GRIK4: variants seen among roughly 807,000 people sequenced by gnomAD.
GRIK4 encodes the protein glutamate receptor ionotropic, kainate 4.
In GRIK4, 40 loss-of-function variants were observed where a neutral mutation model predicts 104.9. The ratio of observed to expected loss-of-function variants is 0.38; its 90% CI spans 0.30 to 0.50. The LOEUF (loss-of-function observed/expected upper bound fraction) is 0.50, where lower values mean the gene tolerates loss of function less well. Among genes scored for constraint, GRIK4 ranks in the 20% least tolerant of loss-of-function variants. The pLI, the probability that GRIK4 is intolerant of heterozygous loss-of-function variation, is 0.93. For missense variants in GRIK4, 1,047 were observed against 1,308.1 expected, an observed-to-expected ratio of 0.80 and a Z score of 3.08; for synonymous variants, 485 against 524.9, an observed-to-expected ratio of 0.92 and a Z score of 1.04.
At chr11:120,597,965 C>A (rs1389000615) in intron 1 of GRIK4, among the ~76,000 whole-genome samples, 1 of 152,114 alleles carries the variant, frequency 6.6e-6, no homozygotes, top group Non-Finnish European at 1.5e-5. Context: ...TAGAGAGTTG[C>A]TGATGCGGTG....
At chr11:120,626,249 GC>G (rs1207075719) in intron 1 of GRIK4, among the ~76,000 whole-genome samples, 1 of 152,200 alleles carries the variant, frequency 6.6e-6, no homozygotes, top group Non-Finnish European at 1.5e-5. Flanking sequence ...AGTGGGCCCT[GC>G]CCCTTTCCTG....
intron 3 of GRIK4, among the ~76,000 whole-genome samples, chr11:120,759,021 AAG>A (rs1328812879): frequency 2.6e-5 from 4 of 152,144 alleles, no homozygotes; most frequent in South Asian, 2.1e-4. Flanking sequence ...TGTGTTACAA[AAG>A]AGAGAGTCAA....
chr11:120,666,611 T>G (rs1288025346), intron 3 of GRIK4, among the ~76,000 whole-genome samples: 1 of 152,240 alleles, frequency 6.6e-6, no homozygotes, highest in Non-Finnish European at 1.5e-5. Flanking sequence ...GGGCTATTGT[T>G]CCATATCTGA....
intron 3 of GRIK4, among the ~76,000 whole-genome samples, chr11:120,736,023 A>C (rs989935376): frequency 6.6e-6 from 1 of 152,138 alleles, no homozygotes; most frequent in East Asian, 1.9e-4. Flanking sequence ...TTGGTGCTCT[A>C]TCCTCCTGTG....
chr11:120,811,564 G>A (rs770626348), intron 4 of GRIK4, among the ~76,000 whole-genome samples: 2 of 152,066 alleles, frequency 1.3e-5, no homozygotes, highest in South Asian at 2.1e-4. Flanking sequence ...AGAGTGCTTC[G>A]AACGGGCCAT....
intron 3 of GRIK4, among the ~76,000 whole-genome samples, chr11:120,789,908 G>T (rs143324573): frequency 3.1e-4 from 47 of 152,108 alleles, no homozygotes; most frequent in Non-Finnish European, 5.7e-4. Context: ...CCTAAAACTT[G>T]CCCCACCACC....
chr11:120,629,784 G>A (rs1310392298), intron 1 of GRIK4, among the ~76,000 whole-genome samples: 2 of 152,214 alleles, frequency 1.3e-5, no homozygotes, highest in Non-Finnish European at 2.9e-5. Context: ...GGGCGGCTGG[G>A]GAGTTGGCCT....
intron 3 of GRIK4, among the ~76,000 whole-genome samples, chr11:120,699,411 C>G (rs1475937934): frequency 1.3e-5 from 2 of 152,166 alleles, no homozygotes; most frequent in Non-Finnish European, 2.9e-5. Context: ...TTAGTTCATT[C>G]TACAAATAAA....
At chr11:120,528,285 G>A (rs1175091085) in intron 1 of GRIK4, among the ~76,000 whole-genome samples, 2 of 151,940 alleles carry the variant, frequency 1.3e-5, no homozygotes, top group Non-Finnish European at 2.9e-5. Context: ...CTAATTTTTT[G>A]TATTCTTAAT....
intron 13 of GRIK4, among the ~76,000 whole-genome samples, chr11:120,909,262 C>A (rs1430750983): frequency 6.6e-6 from 1 of 152,212 alleles, no homozygotes; most frequent in Non-Finnish European, 1.5e-5. Context: ...CATGGGCATG[C>A]CCAAGCAAAC....
At chr11:120,566,621 T>A (rs1268627665) in intron 1 of GRIK4, among the ~76,000 whole-genome samples, 1 of 152,174 alleles carries the variant, frequency 6.6e-6, no homozygotes, top group Non-Finnish European at 1.5e-5. Context: ...GTTTCATTAC[T>A]GGTGAGCAAT....
intron 1 of GRIK4, among the ~76,000 whole-genome samples, chr11:120,600,929 G>A (rs1463020853): frequency 1.3e-5 from 2 of 151,910 alleles, no homozygotes; most frequent in East Asian, 1.9e-4. Flanking sequence ...GGTGGCATGC[G>A]CCTGTAGTTC....
chr11:120,802,245 T>C (rs1328256649), intron 3 of GRIK4, among the ~76,000 whole-genome samples: 14 of 152,180 alleles, frequency 9.2e-5, no homozygotes, highest in Admixed American at 9.2e-4. Flanking sequence ...GCCACAGCCT[T>C]CCCTCACAGA....
chr11:120,810,405 C>A (rs186093967), intron 4 of GRIK4, among the ~76,000 whole-genome samples: 1 of 152,178 alleles, frequency 6.6e-6, no homozygotes, highest in Non-Finnish European at 1.5e-5. Flanking sequence ...AAGGAAGCTG[C>A]GCTGTCTCCT....
rs548512347 is a variant in GRIK4, at chr11:120,902,023, C to G, written c.1273-3267C>G. 6.6e-6 allele frequency among the ~76,000 whole-genome samples: 1 copy of G among 152,254 alleles called. No individual in the cohort carries two copies. The highest frequency in any genetic ancestry group is 1.9e-4 in the East Asian group (1 of 5,180). The stretch of plus-strand genomic sequence containing the variant: ...GGCTGATCCAATTCGATAGCTCTTA[C>G]CAGGAATGACGATCTTAATTCAGTT... On this transcript the variant is annotated intron_variant, in intron 12 of 20. Coordinates refer to ENST00000527524, the MANE Select transcript of GRIK4 (RefSeq NM_014619.5). This position sits in a 1 kb window ranked among gnomAD's most constrained non-coding sequence, Gnocchi z 4.5.
At chr11:120,589,035 T>C (rs1053007277) in intron 1 of GRIK4, among the ~76,000 whole-genome samples, 1 of 152,172 alleles carries the variant, frequency 6.6e-6, no homozygotes, top group African/African-American at 2.4e-5. Flanking sequence ...GAGGCTGTGG[T>C]ATCAGGACAC....
intron 3 of GRIK4, among the ~76,000 whole-genome samples, chr11:120,774,326 G>C (rs1951999960): frequency 6.6e-6 from 1 of 151,952 alleles, no homozygotes; most frequent in African/African-American, 2.4e-5. Flanking sequence ...AACCAGCTCT[G>C]TGTGTGTGTG....
chr11:120,630,862 C>T (rs1054963402), intron 1 of GRIK4, among the ~76,000 whole-genome samples: 1 of 152,196 alleles, frequency 6.6e-6, no homozygotes. Flanking sequence ...GGCAAGGCCC[C>T]TCCCTTGCTG....
chr11:120,808,168 G>GAGAGATCCTGGCTTCAGTGT (rs1205426229), intron 4 of GRIK4, among the ~76,000 whole-genome samples: 2 of 152,202 alleles, frequency 1.3e-5, no homozygotes, highest in Admixed American at 1.3e-4. Context: ...AGGGGCAGAG[G>GAGAGATCCTGGCTTCAGTGT]AGAGATCCTG....
Sources: allele counts gnomAD v4.1 joint callset (sites outside exome capture counted in the v4.1 genomes callset), GRCh38; gene constraint gnomAD v4.1.1; non-coding constraint Gnocchi (gnomAD v3.1); transcripts MANE v1.5; gene names NCBI Gene and HGNC (gene_info 2026-07-23, HGNC 2026-07-21).